Variants in UNC5D observed in about 807,000 individuals in gnomAD.
UNC5D encodes the protein unc-5 netrin receptor D.
A neutral mutation model predicts 105.4 loss-of-function variants in UNC5D; 39 were observed. The observed-to-expected ratio is 0.37, with a 90% CI of 0.29 to 0.48. UNC5D has a LOEUF of 0.48. UNC5D is among the 20% of genes least tolerant of loss of function. UNC5D has a pLI of 0.98. For missense variants in UNC5D, 991 were observed against 1,202.4 expected, an observed-to-expected ratio of 0.82 and a Z score of 2.60; for synonymous variants, 452 against 450.4, an observed-to-expected ratio of 1.00 and a Z score of -0.04.
intron 1 of UNC5D, among the ~76,000 whole-genome samples, chr8:35,305,658 T>G (rs1808337970): frequency 6.6e-6 from 1 of 150,382 alleles, no homozygotes; most frequent in Admixed American, 6.6e-5. Context: ...CTTTCTTTTC[T>G]TTCTCTTTTT....
chr8:35,321,201 G>C (rs1467542181), intron 1 of UNC5D, among the ~76,000 whole-genome samples: 4 of 152,104 alleles, frequency 2.6e-5, no homozygotes, highest in Non-Finnish European at 5.9e-5. Flanking sequence ...ACACACATTT[G>C]TCAGCAAACA....
intron 1 of UNC5D, among the ~76,000 whole-genome samples, chr8:35,361,346 CT>C (rs1801840451): frequency 6.6e-6 from 1 of 152,140 alleles, no homozygotes; most frequent in Non-Finnish European, 1.5e-5. Flanking sequence ...ACTATGGAAT[CT>C]CATGGCTGTC....
At chr8:35,544,976 T>C (rs1183179044) in intron 1 of UNC5D, among the ~76,000 whole-genome samples, 2 of 152,186 alleles carry the variant, frequency 1.3e-5, no homozygotes, top group Non-Finnish European at 2.9e-5. Flanking sequence ...GCTAAACCAG[T>C]GTCACCTGAC....
chr8:35,385,567 G>A (rs1803336006), intron 1 of UNC5D, among the ~76,000 whole-genome samples: 1 of 144,992 alleles, frequency 6.9e-6, no homozygotes, highest in Non-Finnish European at 1.5e-5. Flanking sequence ...CCGGACTCAC[G>A]CCATTCTCTT....
chr8:35,636,258 T>C (rs1822366477), intron 4 of UNC5D, among the ~76,000 whole-genome samples: 1 of 152,208 alleles, frequency 6.6e-6, no homozygotes, highest in Non-Finnish European at 1.5e-5. Context: ...TAATAGTTTC[T>C]AGTAACTAAG....
intron 1 of UNC5D, among the ~76,000 whole-genome samples, chr8:35,488,794 C>A (rs997071120): frequency 3.3e-5 from 5 of 152,006 alleles, no homozygotes; most frequent in African/African-American, 1.2e-4. Context: ...CACAGATTGG[C>A]GATGGGACAA....
chr8:35,322,641 G>T (rs1488778112), intron 1 of UNC5D, among the ~76,000 whole-genome samples: 1 of 152,174 alleles, frequency 6.6e-6, no homozygotes, highest in Non-Finnish European at 1.5e-5. Context: ...TAGAAGATAT[G>T]TGTACGTGAA....
At position 35,794,119 on chromosome 8, in the gene UNC5D, A is replaced by C. The variant is rs542699751; in HGVS notation, c.*3556A>C. The C allele has an allele frequency of 8.5e-5, 13 of 152,292 alleles. No individual in the cohort carries two copies. The highest frequency in any genetic ancestry group is 2.9e-4 in the African/African-American group (12 of 41,564). The allele number at this position is 152,292 out of a possible 1,614,324, so 9.4% of individuals were successfully genotyped here. A position where few individuals can be genotyped will look rare whatever the true frequency, so the allele number is the denominator to read the frequency against. ...ATCTTCTACTGCCAAACTTCTGGCA[A>C]ATTTACCTGTGAATTTCAAAATGTT... On this transcript the variant is annotated 3_prime_UTR_variant, in exon 17 of 17. Transcript: ENST00000404895.
chr8:35,588,860 G>T (rs1330132429), intron 3 of UNC5D, among the ~76,000 whole-genome samples: 1 of 152,102 alleles, frequency 6.6e-6, no homozygotes, highest in African/African-American at 2.4e-5. Flanking sequence ...GGCCAATAAG[G>T]CAAAACCCCG....
intron 1 of UNC5D, among the ~76,000 whole-genome samples, chr8:35,309,138 A>C (rs1203330022): frequency 6.6e-6 from 1 of 152,144 alleles, no homozygotes; most frequent in Non-Finnish European, 1.5e-5. Context: ...TGGGACCTTC[A>C]AACACTTGTG....
At chr8:35,619,933 G>A (rs937400820) in intron 4 of UNC5D, among the ~76,000 whole-genome samples, 4 of 151,400 alleles carry the variant, frequency 2.6e-5, no homozygotes, top group Non-Finnish European at 4.4e-5. Flanking sequence ...TCCTGATGTA[G>A]AGCAGTGTGG....
At chr8:35,519,415 G>A (rs1282984177) in intron 1 of UNC5D, among the ~76,000 whole-genome samples, 4 of 152,058 alleles carry the variant, frequency 2.6e-5, no homozygotes, top group Non-Finnish European at 5.9e-5. Flanking sequence ...ATACCCACAT[G>A]CGCATAAGCA....
At position 35,602,669 on chromosome 8, in the gene UNC5D, G is replaced by A. The variant is rs560744946; in HGVS notation, c.570+7012G>A. The stretch of plus-strand genomic sequence containing the variant: ...TATCCCCTTTGTCATTTTTTATTGC[G>A]TCTATTTGATTCTTCTCTTTTTTCT... On this transcript the variant is annotated intron_variant, in intron 4 of 16. Coordinates refer to ENST00000404895, the MANE Select transcript of UNC5D (RefSeq NM_080872.4). Among the ~76,000 whole-genome samples, 153 of 152,062 alleles carry A rather than the reference G, an allele frequency of 1.0e-3. 1 individual carries two copies. The highest frequency in any genetic ancestry group is 1.4e-3 in the Non-Finnish European group (97 of 67,962).
chr8:35,573,526 A>C (rs1031150043), intron 3 of UNC5D, among the ~76,000 whole-genome samples: 2 of 152,232 alleles, frequency 1.3e-5, no homozygotes, highest in Non-Finnish European at 2.9e-5. Context: ...ACATGGAACC[A>C]GGTCCTGAAT....
At chr8:35,715,807 A>G (rs1290053004) in intron 8 of UNC5D, among the ~76,000 whole-genome samples, 1 of 152,150 alleles carries the variant, frequency 6.6e-6, no homozygotes, top group Non-Finnish European at 1.5e-5. Flanking sequence ...AAAAAAAAGA[A>G]AAGAAAATTG....
At position 35,498,075 on chromosome 8, in the gene UNC5D, AAAACAAAAC is replaced by A. The variant is rs1563474807; in HGVS notation, c.104-51213_104-51205del. Reference sequence around the variant, plus strand: ...CAAGAGCAAAACTCCATCTCAAAACAAAACAAAACAAAAAAAAAAAAAAAAAAAAAAAAA... The same window carrying A: ...CAAGAGCAAAACTCCATCTCAAAACAAAAAAAAAAAAAAAAAAAAAAAAAA... On this transcript the variant is annotated intron_variant, in intron 1 of 16. Transcript: ENST00000404895. Among the ~76,000 whole-genome samples, 16 of 113,394 alleles carry A rather than the reference AAAACAAAAC, an allele frequency of 1.4e-4. 1 individual carries two copies. The East Asian group carries it at 2.6e-3, about 19-fold the overall frequency. 74.4% of individuals were successfully genotyped at this position (113,394 alleles called of 152,430 possible).
At chr8:35,331,436 G>A (rs542946674) in intron 1 of UNC5D, among the ~76,000 whole-genome samples, 2 of 152,188 alleles carry the variant, frequency 1.3e-5, no homozygotes, top group South Asian at 2.1e-4. Context: ...CAGTAACCAC[G>A]GAGCTTCAAG....
intron 4 of UNC5D, among the ~76,000 whole-genome samples, chr8:35,621,771 G>A (rs1310463590): frequency 6.6e-6 from 1 of 152,150 alleles, no homozygotes; most frequent in East Asian, 1.9e-4. Flanking sequence ...AAGCATATCA[G>A]ATCCTAGAAG....
intron 15 of UNC5D, among the ~76,000 whole-genome samples, chr8:35,772,397 C>T (rs1380292793): frequency 6.6e-6 from 1 of 152,194 alleles, no homozygotes; most frequent in Non-Finnish European, 1.5e-5. Flanking sequence ...GATTTAAGAA[C>T]TCTATTTTCA....
Sources: allele counts gnomAD v4.1 joint callset (sites outside exome capture counted in the v4.1 genomes callset), GRCh38; gene constraint gnomAD v4.1.1; transcripts MANE v1.5; gene names NCBI Gene and HGNC (gene_info 2026-07-23, HGNC 2026-07-21).